Variants in NOL10 observed in about 807,000 individuals in gnomAD.
The protein encoded by NOL10 is H_NH0074G24.1.
Under a neutral mutation model 103.5 loss-of-function variants are expected in NOL10, and 58 were observed. That is an observed-to-expected ratio of 0.56 (90% confidence interval 0.45 to 0.70). The LOEUF (loss-of-function observed/expected upper bound fraction) is 0.70, where lower values mean the gene tolerates loss of function less well. Ranked by LOEUF, NOL10 falls within the 30% of genes least tolerant of loss-of-function variation. NOL10 has a pLI of 0.00. For missense variants in NOL10, 763 were observed against 807.3 expected (o/e 0.95, Z 0.67); for synonymous variants, 287 against 282.5 (o/e 1.02, Z -0.16).
intron 13 of NOL10, among the ~76,000 whole-genome samples, chr2:10,633,232 G>A (rs1193780573): frequency 6.6e-6 from 1 of 151,816 alleles, no homozygotes; most frequent in Non-Finnish European, 1.5e-5. Flanking sequence ...ATTTTACTTA[G>A]TTATTCCGTT....
chr2:10,602,931 T>C, intron 15 of NOL10, 57 bp from the exon 16 acceptor site: 1 of 1,333,320 alleles, frequency 7.5e-7, no homozygotes, highest in Non-Finnish European at 1.1e-6. Context: ...TAATATCATT[T>C]TCATATACAC....
At chr2:10,622,488 C>A (rs866777603) in intron 13 of NOL10, among the ~76,000 whole-genome samples, 271 of 124,628 alleles carry the variant, frequency 2.2e-3, no homozygotes, top group African/African-American at 2.7e-3. Flanking sequence ...GAGCGTTTTT[C>A]AAAAAAAAAG....
At chr2:10,644,968 C>CA (rs1678952737) in intron 12 of NOL10, among the ~76,000 whole-genome samples, 1 of 152,220 alleles carries the variant, frequency 6.6e-6, no homozygotes, top group Admixed American at 6.5e-5. Context: ...GCAGCTCCAA[C>CA]ATGGCAATAT....
chr2:10,598,697 G>A (rs2148180279), intron 17 of NOL10, among the ~76,000 whole-genome samples: 1 of 152,316 alleles, frequency 6.6e-6, no homozygotes, highest in Non-Finnish European at 1.5e-5. Flanking sequence ...CTTAGAAAGT[G>A]AGTATGACAA....
At chr2:10,600,801 A>G in intron 17 of NOL10, 52 bp downstream of exon 17, 1 of 1,147,322 alleles carries the variant, frequency 8.7e-7, no homozygotes, top group South Asian at 1.4e-5. Context: ...AAAAGATGTA[A>G]GTTACTATCA....
At chr2:10,660,623 A>G (rs1362023219) in intron 9 of NOL10, among the ~76,000 whole-genome samples, 1 of 151,938 alleles carries the variant, frequency 6.6e-6, no homozygotes, top group African/African-American at 2.4e-5. Flanking sequence ...TGGCCCATAT[A>G]TGTTCTTATC....
chr2:10,643,895 T>C (rs534791991), intron 13 of NOL10, among the ~76,000 whole-genome samples: 1 of 152,262 alleles, frequency 6.6e-6, no homozygotes, highest in South Asian at 2.1e-4. Flanking sequence ...CAAAAGTGAG[T>C]CCACTGTGTC....
intron 13 of NOL10, among the ~76,000 whole-genome samples, chr2:10,627,832 T>A (rs1218410069): frequency 2.0e-5 from 3 of 151,692 alleles, no homozygotes; most frequent in Non-Finnish European, 4.4e-5. Context: ...ATCCTAAACC[T>A]CAACATCACA....
chr2:10,685,974 A>G (rs1463992160), intron 1 of NOL10, among the ~76,000 whole-genome samples: 4 of 116,284 alleles, frequency 3.4e-5, no homozygotes, highest in African/African-American at 1.0e-4. Context: ...AGGTGCAAGA[A>G]TCATTGAGCC....
chr2:10,623,125 AAACAGGCAGAATAATCT>A (rs1220315492), intron 13 of NOL10, among the ~76,000 whole-genome samples: 3 of 152,196 alleles, frequency 2.0e-5, no homozygotes, highest in African/African-American at 7.2e-5. Context: ...AACCCCCATT[AAACAGGCAGAATAATCT>A]AACACACCTA....
chr2:10,633,819 A>G, intron 13 of NOL10, among the ~76,000 whole-genome samples: 1 of 151,258 alleles, frequency 6.6e-6, no homozygotes, highest in East Asian at 1.9e-4. Flanking sequence ...GTGTGTATAT[A>G]TATATATTTA....
chr2:10,636,792 CCTCT>C (rs1418553894), intron 13 of NOL10, among the ~76,000 whole-genome samples: 3 of 152,018 alleles, frequency 2.0e-5, no homozygotes, highest in Non-Finnish European at 4.4e-5. Context: ...TCCATAAGTA[CCTCT>C]CTAACAGACA....
rs768209151 is a variant in NOL10 at position 10,589,634 on chromosome 2, T to C, written c.1540A>G (p.Ser514Gly). Residue 514 changes from serine (S) to glycine (G), a missense_variant, in exon 18 of 21, where the codon AGT becomes GGT. Physicochemically the swap from Ser to Gly is moderately conservative, Grantham distance 56 (BLOSUM62 0). Transcript: ENST00000381685. ...CTTAGTTTCTTCTTCCTTTTTTCAC[T>C]AATTTTTGAAACAAGTGGATTCAGA... Reference protein sequence around the residue: ...RLLNPLVSKISEKRKKKLRLL... With the variant: ...RLLNPLVSKIGEKRKKKLRLL... 7.5e-6 allele frequency: 12 copies of C among 1,591,272 alleles called. No individual in the cohort carries two copies. In the South Asian group the frequency reaches 1.3e-4, roughly 17 times the overall value.
intron 5 of NOL10, 88 bp from the exon 6 acceptor site, chr2:10,671,778 A>C: frequency 1.1e-6 from 1 of 882,148 alleles, no homozygotes; most frequent in South Asian, 1.8e-5. Flanking sequence ...AACCAAGGAA[A>C]ACCCTTACCT....
At chr2:10,674,756 C>A (rs1444492392) in intron 4 of NOL10, among the ~76,000 whole-genome samples, 10 of 152,172 alleles carry the variant, frequency 6.6e-5, no homozygotes, top group Non-Finnish European at 1.2e-4. Flanking sequence ...AGAATCACTT[C>A]AATCTGGGAG....
chr2:10,635,016 T>C (rs990294616), intron 13 of NOL10, among the ~76,000 whole-genome samples: 3 of 152,204 alleles, frequency 2.0e-5, no homozygotes, highest in African/African-American at 7.2e-5. Flanking sequence ...AGAAGGATTT[T>C]AAATTTTTGA....
At chr2:10,614,406 C>T (rs10195802) in intron 13 of NOL10, among the ~76,000 whole-genome samples, 89,964 of 151,988 alleles carry the variant, frequency 0.59, 27,639 homozygotes, top group African/African-American at 0.74. Flanking sequence ...GGCCCTGGTT[C>T]TTTAACAGAA....
intron 9 of NOL10, among the ~76,000 whole-genome samples, chr2:10,660,311 C>A (rs1251357503): frequency 1.3e-5 from 2 of 152,106 alleles, no homozygotes; most frequent in African/African-American, 4.8e-5. Context: ...ATTCCTTTGT[C>A]ATTTTCTTCA....
chr2:10,603,097 T>A lies in NOL10; in HGVS notation c.1214A>T (p.Asp405Val), dbSNP rs746329545. Reference sequence around the variant, plus strand: ...GTTTACCTTGTGATAGAGTCTTATATCCATGAAAAACCCATGCATATATGC... The same window carrying A: ...GTTTACCTTGTGATAGAGTCTTATAACCATGAAAAACCCATGCATATATGC... ...LRAYMHGFFM[D>V]IRLYHKVKLM... Residue 405 changes from aspartate to valine, a missense_variant, in exon 15 of 21, where the codon GAT (aspartate) becomes GTT (valine). Physicochemically the swap from Asp to Val is radical, Grantham distance 152 (BLOSUM62 -3). Coordinates refer to ENST00000381685, the MANE Select transcript of NOL10 (RefSeq NM_024894.4). 1.2e-6 allele frequency: 2 copies of A among 1,610,414 alleles called. No individual in the cohort carries two copies. Among genetic ancestry groups the A allele is most frequent in the South Asian group, 2.2e-5 (2 of 90,372 alleles).
Sources: allele counts gnomAD v4.1 joint callset (sites outside exome capture counted in the v4.1 genomes callset), GRCh38; gene constraint gnomAD v4.1.1; transcripts MANE v1.5; gene names NCBI Gene and HGNC (gene_info 2026-07-23, HGNC 2026-07-21).